SULF2: variants seen among roughly 807,000 people sequenced by gnomAD.
SULF2 encodes sulfatase 2.
Under a neutral mutation model 107.7 loss-of-function variants are expected in SULF2, and 52 were observed. That is an observed-to-expected ratio of 0.48 (90% CI 0.39 to 0.61). The LOEUF (loss-of-function observed/expected upper bound fraction) is 0.61. Among genes scored for constraint, SULF2 ranks in the 20% least tolerant of loss-of-function variants. The pLI, the probability that SULF2 is intolerant of heterozygous loss-of-function variation, is 0.00. For missense variants in SULF2, 993 were observed against 1,177.3 expected, an observed-to-expected ratio of 0.84 and a Z score of 2.29; for synonymous variants, 460 against 464.3, an observed-to-expected ratio of 0.99 and a Z score of 0.12.
At chr20:47,781,230 T>C (rs1348007364) in intron 1 of SULF2, among the ~76,000 whole-genome samples, 1 of 152,244 alleles carries the variant, frequency 6.6e-6, no homozygotes, top group East Asian at 1.9e-4. Context: ...TTCCCCAGTC[T>C]CCACCTTGGC....
intron 14 of SULF2, among the ~76,000 whole-genome samples, chr20:47,664,445 T>A (rs927866252): frequency 6.6e-6 from 1 of 152,234 alleles, no homozygotes; most frequent in African/African-American, 2.4e-5. Flanking sequence ...TTAATTGTAA[T>A]TTAGCCACGA....
intron 1 of SULF2, 24 bp downstream of exon 1, chr20:47,785,319 A>G (rs2090905945): frequency 8.4e-5 from 1 of 11,882 alleles, no homozygotes; most frequent in African/African-American, 3.5e-4. Context: ...CCAGCCACCC[A>G]CCTGCCCCCC....
chr20:47,688,728 G>A (rs915438912), intron 5 of SULF2, among the ~76,000 whole-genome samples: 2 of 152,212 alleles, frequency 1.3e-5, no homozygotes, highest in Non-Finnish European at 2.9e-5. Flanking sequence ...CTGGGACGCA[G>A]CTCATCGTCT....
intron 1 of SULF2, among the ~76,000 whole-genome samples, chr20:47,769,477 C>T (rs1381606171): frequency 2.0e-5 from 3 of 151,594 alleles, no homozygotes; most frequent in Non-Finnish European, 2.9e-5. Flanking sequence ...GGATTACAGG[C>T]GTGAACCGCT....
chr20:47,661,936 A>G (rs757787218), intron 17 of SULF2, 40 bp from the exon 18 acceptor site: 6 of 1,484,966 alleles, frequency 4.0e-6, no homozygotes, highest in Admixed American at 1.9e-5. Flanking sequence ...AGGTAAGTAC[A>G]GGGACTCTCG....
At chr20:47,783,359 T>G (rs1217900446) in intron 1 of SULF2, among the ~76,000 whole-genome samples, 2 of 152,244 alleles carry the variant, frequency 1.3e-5, no homozygotes, top group Non-Finnish European at 2.9e-5. Flanking sequence ...TTAACCCAGC[T>G]GCCCTCTTGA....
rs1386228491 is a variant in SULF2 at position 47,702,528 on chromosome 20, G to C, written c.558C>G (p.Asp186Glu). ...RNGVKEKHGS[D>E]YSKDYLTDLI... is the part of the protein sequence containing the mutation. ...AAAGGTTGCAGCTTACCTTGGAGTA[G>C]TCGGAGCCGTGCTTCTCTTTCACCC... Residue 186 changes from aspartate (D) to glutamate (E), a missense_variant, in exon 4 of 21, where the codon GAC becomes GAG. Physicochemically the swap from Asp to Glu is conservative, Grantham distance 45. Transcript: ENST00000688720. 1.9e-6 allele frequency: 3 copies of C among 1,612,270 alleles called. No homozygotes were observed. Among genetic ancestry groups the C allele is most frequent in the Non-Finnish European group, 2.5e-6 (3 of 1,179,908 alleles).
At chr20:47,697,642 ATC>A (rs2088427190) in intron 4 of SULF2, among the ~76,000 whole-genome samples, 1 of 152,126 alleles carries the variant, frequency 6.6e-6, no homozygotes, top group Non-Finnish European at 1.5e-5. Context: ...CTGTTAGAGC[ATC>A]TCTGTTCCCA....
At chr20:47,664,016 TC>T (rs2087180006) in intron 15 of SULF2, 113 bp downstream of exon 15, 2 of 1,168,636 alleles carry the variant, frequency 1.7e-6, no homozygotes, top group Middle Eastern at 2.2e-4. Context: ...ACCGTGGACT[TC>T]CCAGGGAAGG....
Position 47,690,300 on chromosome 20 carries a change from G to T in SULF2, c.568-5C>A. 1 of 1,464,768 alleles carries T rather than the reference G, an allele frequency of 6.8e-7. No individual in the cohort carries two copies. The highest frequency in any genetic ancestry group is 9.1e-7 in the Non-Finnish European group (1 of 1,099,196). 90.7% of individuals were successfully genotyped at this position (1,464,768 alleles called of 1,614,324 possible). On this transcript the variant is annotated splice_polypyrimidine_tract_variant and splice_region_variant and intron_variant, in intron 4 of 20. Coordinates refer to ENST00000688720, the MANE Select transcript of SULF2 (RefSeq NM_001387048.1). Reference sequence around the variant, plus strand: ...GATGAGGTCTGTGAGGTAATCCTGGGGGGTGGGGAGAGACAGGAGAACAGG... The same window carrying T: ...GATGAGGTCTGTGAGGTAATCCTGGTGGGTGGGGAGAGACAGGAGAACAGG...
intron 1 of SULF2, among the ~76,000 whole-genome samples, chr20:47,771,692 G>C (rs944785530): frequency 6.6e-6 from 1 of 152,066 alleles, no homozygotes; most frequent in South Asian, 2.1e-4. Context: ...GTATTGGCTT[G>C]TCAGTGGCAG....
At chr20:47,781,597 C>T (rs1317076463) in intron 1 of SULF2, among the ~76,000 whole-genome samples, 3 of 152,152 alleles carry the variant, frequency 2.0e-5, no homozygotes, top group African/African-American at 7.2e-5. Flanking sequence ...TGCTCCATGA[C>T]ATCTGTCCTG....
At chr20:47,660,266 AAT>A (rs1296555031) in intron 18 of SULF2, among the ~76,000 whole-genome samples, 2 of 152,252 alleles carry the variant, frequency 1.3e-5, no homozygotes, top group Non-Finnish European at 2.9e-5. Flanking sequence ...CACAGTGACT[AAT>A]ATGTCATTGC....
At chr20:47,690,076 C>A (rs1448751507) in intron 5 of SULF2, 50 bp downstream of exon 5, 1 of 1,350,766 alleles carries the variant, frequency 7.4e-7, no homozygotes, top group Non-Finnish European at 9.6e-7. Context: ...GCCTGACCCT[C>A]CCCCTTCATG....
intron 3 of SULF2, among the ~76,000 whole-genome samples, chr20:47,715,955 T>C (rs1199095153): frequency 6.6e-6 from 1 of 152,240 alleles, no homozygotes; most frequent in Non-Finnish European, 1.5e-5. Flanking sequence ...TGTTAAATTC[T>C]TGTCTTCCTA....
intron 2 of SULF2, among the ~76,000 whole-genome samples, chr20:47,741,808 T>C (rs1476460328): frequency 1.3e-5 from 2 of 152,228 alleles, no homozygotes; most frequent in African/African-American, 4.8e-5. Context: ...ACCCTTCTCC[T>C]GGAAGGGAAC....
chr20:47,700,898 A>G (rs4481053), intron 4 of SULF2, among the ~76,000 whole-genome samples: 151,934 of 152,218 alleles, frequency 1, 75,829 homozygotes, highest in Middle Eastern at 1. Context: ...CACCCGCCTC[A>G]GTCTCCCAAA....
rs765893901 is a variant in SULF2, at chr20:47,757,295, C to G, written c.69G>C (p.Ser23=). The G allele has an allele frequency of 6.3e-7, 1 of 1,595,676 alleles. No homozygotes were observed. Among genetic ancestry groups the G allele is most frequent in the Non-Finnish European group, 8.5e-7 (1 of 1,170,598 alleles). Residue 23 remains serine, a synonymous_variant, in exon 2 of 21, where the codon TCG becomes TCC. Coordinates refer to ENST00000688720, the MANE Select transcript of SULF2 (RefSeq NM_001387048.1). Reference sequence around the variant, plus strand: ...TCAGGCGGTGGTGCGACAGGAAGGCCGAGCTTCCACCCAGCAGGGAGAACA... The same window carrying G: ...TCAGGCGGTGGTGCGACAGGAAGGCGGAGCTTCCACCCAGCAGGGAGAACA... ...ATVFSLLGGS[S]AFLSHHRLKG...
At chr20:47,679,785 T>A (rs2087763637) in intron 7 of SULF2, among the ~76,000 whole-genome samples, 1 of 152,174 alleles carries the variant, frequency 6.6e-6, no homozygotes, top group South Asian at 2.1e-4. Context: ...TGTGTTGTCT[T>A]AAGCTGCTGA....
Sources: allele counts gnomAD v4.1 joint callset (sites outside exome capture counted in the v4.1 genomes callset), GRCh38; gene constraint gnomAD v4.1.1; transcripts MANE v1.5; gene names NCBI Gene and HGNC (gene_info 2026-07-23, HGNC 2026-07-21).